ZNF500: variants seen among roughly 807,000 people sequenced by gnomAD.
ZNF500 encodes the protein zinc finger protein 500, also known as zinc finger protein with KRAB and SCAN domains 18.
A neutral mutation model predicts 30.1 loss-of-function variants in ZNF500; 31 were observed. That is an observed-to-expected ratio of 1.03 (90% CI 0.77 to 1.39). The LOEUF (loss-of-function observed/expected upper bound fraction) is 1.39. Ranked by LOEUF, ZNF500 falls within the 40% of genes most tolerant of loss-of-function variation. The probability of loss-of-function intolerance (pLI) is 0.00; values close to 1 mark genes in which losing one functional copy is unlikely to be tolerated. For missense variants in ZNF500, 817 were observed against 657.8 expected, an observed-to-expected ratio of 1.24 and a Z score of -2.65; for synonymous variants, 392 against 282.0, an observed-to-expected ratio of 1.39 and a Z score of -3.91.
chr16:4,755,312 T>C (rs185856695), intron 5 of ZNF500, among the ~76,000 whole-genome samples: 148 of 151,976 alleles, frequency 9.7e-4, no homozygotes, highest in African/African-American at 3.4e-3. Flanking sequence ...AAAATATTTT[T>C]ACTTATTTAT....
chr16:4,761,712 C>A (rs1481609883), intron 4 of ZNF500, among the ~76,000 whole-genome samples: 1 of 150,906 alleles, frequency 6.6e-6, no homozygotes, highest in Non-Finnish European at 1.5e-5. Context: ...AACAACTAGC[C>A]GGGTGTGGTG....
chr16:4,762,847 C>A (rs573375440), intron 2 of ZNF500, 91 bp from the exon 3 acceptor site: 1 of 1,471,902 alleles, frequency 6.8e-7, no homozygotes, highest in Non-Finnish European at 9.0e-7. Flanking sequence ...TCAGGCACCC[C>A]AGCCGGCTGC....
At chr16:4,764,386 C>A (rs557970750) in intron 2 of ZNF500, among the ~76,000 whole-genome samples, 2 of 152,078 alleles carry the variant, frequency 1.3e-5, no homozygotes, top group African/African-American at 4.8e-5. Flanking sequence ...ATCAGCCTGG[C>A]GTGGTGGCAG....
At chr16:4,745,019 T>C (rs1408158851), downstream of ZNF500, 1 of 1,612,194 alleles carries the variant, frequency 6.2e-7, no homozygotes, top group South Asian at 1.1e-5. Flanking sequence ...CAGGTGGGAC[T>C]TGTAGCCAGG....
chr16:4,766,138 T>C (rs2082263314), intron 1 of ZNF500, 62 bp from the exon 2 acceptor site: 2 of 833,352 alleles, frequency 2.4e-6, no homozygotes, highest in South Asian at 2.7e-5. Flanking sequence ...CCCTTTGGCC[T>C]GGGAAGCCCC....
chr16:4,763,750 G>C (rs2082233245), intron 2 of ZNF500: 1 of 985,392 alleles, frequency 1.0e-6, no homozygotes, highest in Non-Finnish European at 1.2e-6. Flanking sequence ...AGCTGTGGTG[G>C]CCAGGAAAGA....
At position 4,752,622 on chromosome 16, in the gene ZNF500, G is replaced by A. The variant is rs574981260; in HGVS notation, c.1197C>T (p.His399=). ...RFSQSSSLVI[H]RRTHSGERPY... The stretch of plus-strand genomic sequence containing the variant: ...GCCGCTCCCCGCTGTGTGTCCTGCG[G>A]TGGATGACCAGGCTGGAGCTCTGGC... Residue 399 remains histidine, a synonymous_variant, in exon 6 of 6, where the codon CAC becomes CAT. Transcript: ENST00000219478. 84 of 1,608,726 alleles carry A rather than the reference G, an allele frequency of 5.2e-5. 1 individual carries two copies. The South Asian group carries it at 8.8e-4, about 17-fold the overall frequency.
chr16:4,753,916 G>A (rs1253893232), intron 5 of ZNF500, among the ~76,000 whole-genome samples: 3 of 152,196 alleles, frequency 2.0e-5, no homozygotes, highest in African/African-American at 4.8e-5. Flanking sequence ...GTCGTACTTG[G>A]TGTGGCCCCT....
chr16:4,763,428 AAG>A (rs2082229606), intron 2 of ZNF500, among the ~76,000 whole-genome samples: 2 of 152,082 alleles, frequency 1.3e-5, no homozygotes, highest in African/African-American at 2.4e-5. Context: ...AGAAAAAAAA[AAG>A]AAATTATCAA....
downstream of ZNF500, chr16:4,745,058 C>T: frequency 1.3e-6 from 2 of 1,591,544 alleles, no homozygotes; most frequent in South Asian, 1.1e-5. Flanking sequence ...TTAGAATGGC[C>T]CCATGGTTTT....
rs1322897475 is a variant in ZNF500, at chr16:4,762,634, C to T, written c.537G>A (p.Gln179=). ...TGTGGCTCAGCTGGGCTGGGGGCTG[C>T]TGGCTGGAGAATCGAGCCTCTTCCT... ...SLEEEARFSS[Q]QPPAQLSHRP... is the part of the protein sequence containing the mutation. Residue 179 remains glutamine (Q), a synonymous_variant, in exon 3 of 6, where the codon CAG becomes CAA. Transcript: ENST00000219478. 1 of 1,614,136 alleles carries T rather than the reference C, an allele frequency of 6.2e-7. No individual in the cohort carries two copies. Among genetic ancestry groups the T allele is most frequent in the Non-Finnish European group, 8.5e-7 (1 of 1,179,988 alleles).
chr16:4,761,478 T>TACAC (rs71139657), intron 4 of ZNF500, among the ~76,000 whole-genome samples: 5 of 129,828 alleles, frequency 3.9e-5, no homozygotes, highest in African/African-American at 1.2e-4. Context: ...TACACATACA[T>TACAC]ACACACACAC....
In ZNF500 at chr16:4,765,972, T is replaced by C. The variant is rs775518762; in HGVS notation, c.7A>G (p.Thr3Ala). ...GGCAGGGGCTGGAGGCCAGGGACAG[T>C]GGCCATTGCTTCCGGTGGGCCTTGT... MA[T>A]VPGLQPLPTL... The change falls in exon 2 of 6, where the codon ACT (threonine) becomes GCT (alanine). Residue 3 changes from threonine (T) to alanine (A), a missense_variant. Coordinates refer to ENST00000219478, the MANE Select transcript of ZNF500 (RefSeq NM_021646.4). The C allele has an allele frequency of 3.2e-6, 5 of 1,556,988 alleles. No homozygotes were observed. Among genetic ancestry groups the C allele is most frequent in the South Asian group, 1.2e-5 (1 of 82,720 alleles).
At chr16:4,763,926 C>G in intron 2 of ZNF500, 2 of 985,454 alleles carry the variant, frequency 2.0e-6, no homozygotes, top group Non-Finnish European at 2.4e-6. Flanking sequence ...GGAAGAAAGG[C>G]AGCTGGTCAG....
Position 4,765,751 on chromosome 16 carries a change from G to A in ZNF500, c.228C>T (p.Cys76=). The A allele has an allele frequency of 1.2e-6, 2 of 1,613,230 alleles. No homozygotes were observed. The highest frequency in any genetic ancestry group is 1.7e-6 in the Non-Finnish European group (2 of 1,179,940). The change falls in exon 2 of 6, where the codon TGC becomes TGT. Residue 76 remains cysteine, a synonymous_variant. Transcript: ENST00000219478. The stretch of plus-strand genomic sequence containing the variant: ...TGCGCAGCTCCGGCCGCAGCCAGCG[G>A]CAGCACAGCTCCCAGAGGCGGCTCA... The part of the protein sequence containing the change: ...EALSRLWELC[C]RWLRPELRTK...
chr16:4,760,291 G>C (rs1425991743), intron 5 of ZNF500, among the ~76,000 whole-genome samples: 1 of 152,136 alleles, frequency 6.6e-6, no homozygotes, highest in Non-Finnish European at 1.5e-5. Flanking sequence ...AGGATGGCAA[G>C]GCAGTGCTGG....
Position 4,765,626 on chromosome 16 carries a change from C to A in ZNF500, c.353G>T (p.Gly118Val), listed in dbSNP as rs764693976. 1 of 1,613,482 alleles carries A rather than the reference C, an allele frequency of 6.2e-7. No individual in the cohort carries two copies. The highest frequency in any genetic ancestry group is 1.1e-5 in the South Asian group (1 of 91,050). ...ARVREQQPES[G>V]EEAVVLVEGL... ...TTCCACAAGGACCACGGCCTCCTCA[C>A]CGCTCTCCGGCTGCTGCTCGCGTAC... is the stretch of plus-strand genomic sequence containing the variant. Residue 118 changes from glycine (G) to valine (V), a missense_variant, in exon 2 of 6, where the codon GGT (glycine) becomes GTT (valine). Physicochemically the swap from Gly to Val is moderately radical, Grantham distance 109 (BLOSUM62 -3). Transcript: ENST00000219478.
chr16:4,748,472 T>C lies in ZNF500; in HGVS notation c.*3904A>G, dbSNP rs548443138. On this transcript the variant is annotated 3_prime_UTR_variant, in exon 6 of 6. Transcript: ENST00000219478. ...TTGACCTTTATGAATCTAGACAGAA[T>C]ACTGGAAACCCCTGGAAATGCTGTC... 6.6e-6 allele frequency: 1 copy of C among 152,304 alleles called. No individual in the cohort carries two copies. The highest frequency in any genetic ancestry group is 1.9e-4 in the East Asian group (1 of 5,180). The allele number at this position is 152,304 out of a possible 1,614,324, so 9.4% of individuals were successfully genotyped here.
intron 2 of ZNF500, 76 bp downstream of exon 2, chr16:4,765,489 C>G: frequency 6.6e-7 from 1 of 1,516,194 alleles, no homozygotes; most frequent in South Asian, 1.3e-5. Flanking sequence ...CACCCAATGA[C>G]CAAGGAATCT....
Sources: allele counts gnomAD v4.1 joint callset (sites outside exome capture counted in the v4.1 genomes callset), GRCh38; gene constraint gnomAD v4.1.1; transcripts MANE v1.5; gene names NCBI Gene and HGNC (gene_info 2026-07-23, HGNC 2026-07-21).